The following SNW1 variants were observed in gnomAD, a reference collection of about 807,000 sequenced individuals.
SNW1 encodes the protein SNW domain containing 1.
In SNW1, 9 loss-of-function variants were observed where a neutral mutation model predicts 75.6. That is an observed-to-expected ratio of 0.12 (90% CI 0.07 to 0.21). The LOEUF (loss-of-function observed/expected upper bound fraction) is 0.21, where lower values mean the gene tolerates loss of function less well. SNW1 is among the 10% of genes least tolerant of loss of function. The pLI is 1.00. For synonymous variants in SNW1, 200 were observed against 219.1 expected (o/e 0.91, Z 0.77); for missense variants, 409 against 670.9 (o/e 0.61, Z 4.31).
intron 1 of SNW1, among the ~76,000 whole-genome samples, chr14:77,759,994 G>A (rs2080874195): frequency 6.6e-6 from 1 of 151,786 alleles, no homozygotes; most frequent in African/African-American, 2.4e-5. Flanking sequence ...TTTTAGAAAC[G>A]AGGGTGGGGA....
chr14:77,720,984 C>G (rs538960501), intron 11 of SNW1, 156 bp from the exon 12 acceptor site: 1 of 610,110 alleles, frequency 1.6e-6, no homozygotes, highest in East Asian at 2.7e-5. Context: ...ATCAAGCTGG[C>G]AGCCCTTATA....
chr14:77,719,826 A>G (rs1446672097), intron 12 of SNW1, among the ~76,000 whole-genome samples: 1 of 147,638 alleles, frequency 6.8e-6, no homozygotes, highest in Non-Finnish European at 1.5e-5. Flanking sequence ...TGCCAAGAAT[A>G]TAAAATGCAT....
intron 1 of SNW1, chr14:77,760,601 C>G: frequency 1.4e-6 from 1 of 695,978 alleles, no homozygotes; most frequent in Non-Finnish European, 2.6e-6. Flanking sequence ...AGACGGCGGT[C>G]ACTACTGTGG....
intron 10 of SNW1, among the ~76,000 whole-genome samples, chr14:77,728,095 T>C (rs1272337797): frequency 3.3e-5 from 5 of 150,036 alleles, no homozygotes; most frequent in African/African-American, 4.9e-5. Context: ...TGGTAGGAGA[T>C]ACGGGTGTTC....
At chr14:77,743,286 A>C (rs1488015127) in intron 3 of SNW1, among the ~76,000 whole-genome samples, 1 of 152,104 alleles carries the variant, frequency 6.6e-6, no homozygotes, top group Non-Finnish European at 1.5e-5. Context: ...TGGTTGTATC[A>C]AGATTTACAC....
intron 6 of SNW1, among the ~76,000 whole-genome samples, chr14:77,736,422 G>A (rs767188428): frequency 9.9e-5 from 15 of 151,976 alleles, no homozygotes; most frequent in Non-Finnish European, 2.1e-4. Context: ...TGTGGTACAC[G>A]CCTGTAAACC....
intron 3 of SNW1, among the ~76,000 whole-genome samples, chr14:77,749,807 G>A (rs1028526241): frequency 2.6e-5 from 4 of 152,224 alleles, no homozygotes; most frequent in Non-Finnish European, 4.4e-5. Flanking sequence ...GGAAAGAGCC[G>A]TTAGAAGAGG....
Position 77,760,570 on chromosome 14 carries a change from G to A in SNW1, c.14+544C>T, listed in dbSNP as rs528214843. On this transcript the variant is annotated intron_variant, in intron 1 of 13. Coordinates refer to ENST00000261531, the MANE Select transcript of SNW1 (RefSeq NM_012245.3). ...ATTCTAAGCTCCAAAGTTAAAATGC[G>A]GAGCAGTGGCGCATATCAGCAGACG... 38 of 674,912 alleles carry A rather than the reference G, an allele frequency of 5.6e-5. 1 individual carries two copies. In the South Asian group the frequency reaches 5.8e-4, roughly 10 times the overall value. The allele number at this position is 674,912 out of a possible 1,614,324, so 41.8% of individuals were successfully genotyped here. A position where few individuals can be genotyped will look rare whatever the true frequency, so the allele number is the denominator to read the frequency against.
In SNW1 at chr14:77,721,990, C is replaced by T. The variant is rs34499323; in HGVS notation, c.1131-1162G>A. On this transcript the variant is annotated intron_variant, in intron 11 of 13. Transcript: ENST00000261531. The stretch of plus-strand genomic sequence containing the variant: ...CTTGAACTCCTGACCTCAAGTGATT[C>T]GCGTGCTTTGGCCTGCCAAAGTGCT... 4.6e-5 allele frequency among the ~76,000 whole-genome samples: 7 copies of T among 152,232 alleles called. No homozygotes were observed. The South Asian group carries it at 8.3e-4, about 18-fold the overall frequency.
At chr14:77,726,989 G>T (rs2080590939) in intron 10 of SNW1, among the ~76,000 whole-genome samples, 1 of 152,010 alleles carries the variant, frequency 6.6e-6, no homozygotes, top group South Asian at 2.1e-4. Flanking sequence ...AAGTTTTTTG[G>T]TGGCATCATT....
chr14:77,718,084 G>A lies in SNW1; in HGVS notation c.*4C>T. Reference sequence around the variant, plus strand: ...GAGTTCATTCACTTTGGAGAGACCTGTGCCTATTCCTTCCTCCTCTTCTTG... The same window carrying A: ...GAGTTCATTCACTTTGGAGAGACCTATGCCTATTCCTTCCTCCTCTTCTTG... On this transcript the variant is annotated 3_prime_UTR_variant, in exon 14 of 14. Transcript: ENST00000261531. The A allele has an allele frequency of 6.4e-7, 1 of 1,571,282 alleles. No homozygotes were observed. Among genetic ancestry groups the A allele is most frequent in the South Asian group, 1.2e-5 (1 of 84,998 alleles).
At chr14:77,748,899 T>TG (rs546297812) in intron 3 of SNW1, among the ~76,000 whole-genome samples, 1,913 of 152,204 alleles carry the variant, frequency 0.013, 37 homozygotes, top group African/African-American at 0.041. Flanking sequence ...TTTGTATAAT[T>TG]TTTTTTAAAA....
intron 3 of SNW1, among the ~76,000 whole-genome samples, chr14:77,747,329 C>G (rs971380981): frequency 2.6e-5 from 4 of 152,138 alleles, no homozygotes; most frequent in Non-Finnish European, 5.9e-5. Flanking sequence ...AGCCTCTGCC[C>G]GGCCGCCACC....
At chr14:77,741,815 A>T (rs1270720047) in intron 3 of SNW1, among the ~76,000 whole-genome samples, 1 of 152,154 alleles carries the variant, frequency 6.6e-6, no homozygotes, top group Non-Finnish European at 1.5e-5. Flanking sequence ...GTTATAAGGA[A>T]AGGATTCTAA....
rs1555388654 is a variant in SNW1 at position 77,751,845 on chromosome 14, C to CACACACACCA, written c.169-366_169-365insTGGTGTGTGT. 4.0e-3 allele frequency among the ~76,000 whole-genome samples: 491 copies of CACACACACCA among 122,580 alleles called. 2 individuals are homozygous for CACACACACCA. The highest frequency in any genetic ancestry group is 0.015 in the East Asian group (62 of 4,152). 80.4% of individuals were successfully genotyped at this position (122,580 alleles called of 152,430 possible). ...ACACACACACACACACACACACACA[C>CACACACACCA]CACACACACACACACACAAAGCATT... On this transcript the variant is annotated intron_variant, in intron 2 of 13. Transcript: ENST00000261531.
At position 77,738,429 on chromosome 14, in the gene SNW1, C is replaced by T. The variant is rs73307557; in HGVS notation, c.533+349G>A. Among the ~76,000 whole-genome samples, 1,083 of 151,896 alleles carry T rather than the reference C, an allele frequency of 7.1e-3. 7 individuals carry two copies. Among genetic ancestry groups the T allele is most frequent in the African/African-American group, 0.025 (1,037 of 41,424 alleles). ...TTCGAAAACAGCCTGAGCATCACAG[C>T]GAGACCCTGTCTCTACAAAAAATTA... On this transcript the variant is annotated intron_variant, in intron 5 of 13. Transcript: ENST00000261531.
In SNW1 at chr14:77,720,844, A is replaced by G; in HGVS notation, c.1131-16T>C. 1 of 1,506,810 alleles carries G rather than the reference A, an allele frequency of 6.6e-7. No individual in the cohort carries two copies. The highest frequency in any genetic ancestry group is 9.2e-7 in the Non-Finnish European group (1 of 1,083,772). The allele number at this position is 1,506,810 out of a possible 1,614,324, so 93.3% of individuals were successfully genotyped here. On this transcript the variant is annotated splice_polypyrimidine_tract_variant and intron_variant, in intron 11 of 13. Transcript: ENST00000261531. ...AAGTTTCGACCTATTTTGAAATACG[A>G]CATCACTAACTGAAAACTCTTTATA...
intron 3 of SNW1, among the ~76,000 whole-genome samples, chr14:77,742,235 C>T (rs2080724801): frequency 6.6e-6 from 1 of 151,998 alleles, no homozygotes; most frequent in Non-Finnish European, 1.5e-5. Flanking sequence ...GGGGTTTCAC[C>T]ATGTTGGCCA....
chr14:77,761,014 G>T, intron 1 of SNW1, 100 bp downstream of exon 1: 1 of 1,613,826 alleles, frequency 6.2e-7, no homozygotes, highest in Non-Finnish European at 8.5e-7. Context: ...GTCATTCTGT[G>T]CCCCGGGTCA....
Sources: gnomAD v4.1 joint callset for allele counts (sites outside exome capture counted in the v4.1 genomes callset) on GRCh38, gnomAD v4.1.1 for gene constraint, MANE v1.5 for transcripts, NCBI Gene and HGNC (gene_info 2026-07-23, HGNC 2026-07-21) for gene names.